Variants in TOX3 observed in about 807,000 individuals in gnomAD.
TOX3 encodes the protein TOX high mobility group box family member 3, also known as CAG trinucleotide repeat-containing gene F9 protein.
In TOX3, 22 loss-of-function variants were observed where a neutral mutation model predicts 64.3. That is an observed-to-expected ratio of 0.34 (90% CI 0.24 to 0.49). The LOEUF (loss-of-function observed/expected upper bound fraction) is 0.49, where lower values mean the gene tolerates loss of function less well. Among genes scored for constraint, TOX3 ranks in the 20% least tolerant of loss-of-function variants. The pLI is 0.99. For missense variants in TOX3, 661 were observed against 714.4 expected, an observed-to-expected ratio of 0.93 and a Z score of 0.85; for synonymous variants, 291 against 273.6, an observed-to-expected ratio of 1.06 and a Z score of -0.63.
At chr16:52,519,951 A>T (rs1962560633) in intron 1 of TOX3, among the ~76,000 whole-genome samples, 1 of 146,652 alleles carries the variant, frequency 6.8e-6, no homozygotes, top group East Asian at 2.0e-4. Context: ...AGCCTGCGTG[A>T]CAGAGCAAGA....
At chr16:52,483,564 G>GTTTTTTTTTT (rs11304815) in intron 1 of TOX3, among the ~76,000 whole-genome samples, 6 of 99,448 alleles carry the variant, frequency 6.0e-5, no homozygotes, top group East Asian at 3.5e-4. Flanking sequence ...GGGCAGTTTG[G>GTTTTTTTTTT]TTTTTTTTTT....
At chr16:52,485,132 CAT>C (rs1488067986) in intron 1 of TOX3, among the ~76,000 whole-genome samples, 23 of 119,384 alleles carry the variant, frequency 1.9e-4, no homozygotes, top group East Asian at 1.1e-3. Context: ...TGTGTGTATA[CAT>C]ATGTGTGTAT....
intron 1 of TOX3, among the ~76,000 whole-genome samples, chr16:52,495,561 T>A (rs561493711): frequency 1.3e-5 from 2 of 152,310 alleles, no homozygotes; most frequent in South Asian, 4.1e-4. Flanking sequence ...AGGTGCAGAC[T>A]CTCAGAGAGG....
intron 1 of TOX3, among the ~76,000 whole-genome samples, chr16:52,528,420 A>G (rs1962773597): frequency 6.6e-6 from 1 of 150,976 alleles, no homozygotes; most frequent in Admixed American, 6.6e-5. Context: ...TTTTTTTTTC[A>G]CCACCATCTG....
chr16:52,468,804 A>C (rs1294692269), intron 1 of TOX3, among the ~76,000 whole-genome samples: 3 of 152,218 alleles, frequency 2.0e-5, no homozygotes, highest in African/African-American at 7.2e-5. Flanking sequence ...CATCAAGACT[A>C]ACTGTGAAGG....
At chr16:52,499,446 C>T (rs755507065) in intron 1 of TOX3, among the ~76,000 whole-genome samples, 6 of 152,220 alleles carry the variant, frequency 3.9e-5, no homozygotes, top group East Asian at 1.9e-4. Context: ...AAAATAAATA[C>T]AAGACAAACA....
intron 1 of TOX3, among the ~76,000 whole-genome samples, chr16:52,472,012 T>C (rs193265911): frequency 2.6e-5 from 4 of 152,358 alleles, no homozygotes; most frequent in East Asian, 1.9e-4. Context: ...TTTACTTTTT[T>C]ATCTATTTTA....
intron 1 of TOX3, among the ~76,000 whole-genome samples, chr16:52,469,543 G>A (rs1447599880): frequency 6.6e-6 from 1 of 152,100 alleles, no homozygotes; most frequent in Non-Finnish European, 1.5e-5. Context: ...TTCCTTGAAT[G>A]CATCAAATAA....
chr16:52,462,601 A>G (rs1027748215), intron 3 of TOX3, among the ~76,000 whole-genome samples: 12 of 152,276 alleles, frequency 7.9e-5, no homozygotes, highest in South Asian at 2.1e-4. Flanking sequence ...GCATCTATGA[A>G]TGATGGTGAA....
At chr16:52,457,176 A>G (rs1357998940) in intron 3 of TOX3, among the ~76,000 whole-genome samples, 2 of 152,216 alleles carry the variant, frequency 1.3e-5, no homozygotes, top group Non-Finnish European at 2.9e-5. Flanking sequence ...CTGCACAATT[A>G]GTAGTCCATA....
chr16:52,488,178 G>C (rs1961580505), intron 1 of TOX3, among the ~76,000 whole-genome samples: 1 of 152,058 alleles, frequency 6.6e-6, no homozygotes, highest in Non-Finnish European at 1.5e-5. Flanking sequence ...TCTTCCATTG[G>C]AAACTCTTCT....
At chr16:52,479,416 G>C (rs907518348) in intron 1 of TOX3, among the ~76,000 whole-genome samples, 1 of 152,198 alleles carries the variant, frequency 6.6e-6, no homozygotes, top group Non-Finnish European at 1.5e-5. Flanking sequence ...ATGTTTGCAG[G>C]TAGAGAAGAA....
At chr16:52,468,839 A>G (rs1177868287) in intron 1 of TOX3, among the ~76,000 whole-genome samples, 1 of 152,186 alleles carries the variant, frequency 6.6e-6, no homozygotes, top group Non-Finnish European at 1.5e-5. Flanking sequence ...CATTAAGCCA[A>G]CTGGTCACCA....
intron 3 of TOX3, among the ~76,000 whole-genome samples, chr16:52,461,397 A>G (rs1030223300): frequency 6.6e-6 from 1 of 152,130 alleles, no homozygotes; most frequent in African/African-American, 2.4e-5. Context: ...TGTGAATGCT[A>G]ATCACTGGAC....
intron 3 of TOX3, among the ~76,000 whole-genome samples, chr16:52,451,335 G>A (rs777961297): frequency 6.6e-6 from 1 of 152,086 alleles, no homozygotes; most frequent in Admixed American, 6.5e-5. Context: ...AAAAAAAGAT[G>A]GTAGAAACCA....
At chr16:52,524,466 G>T (rs1200086174) in intron 1 of TOX3, among the ~76,000 whole-genome samples, 3 of 152,200 alleles carry the variant, frequency 2.0e-5, no homozygotes, top group Non-Finnish European at 4.4e-5. Context: ...AAATGCAAAT[G>T]ATTTCCAATC....
At chr16:52,485,260 A>ATATGTGTATG (rs1961496980) in intron 1 of TOX3, among the ~76,000 whole-genome samples, 2 of 146,710 alleles carry the variant, frequency 1.4e-5, no homozygotes, top group African/African-American at 5.1e-5. Flanking sequence ...ATATATATAT[A>ATATGTGTATG]TATATATATA....
rs371231816 is a variant in TOX3, at chr16:52,538,742, A to C, written c.87+7895T>G. The stretch of plus-strand genomic sequence containing the variant: ...AAATTGAATTAAGATTAAAGATAGA[A>C]TGTTAATCATACAAGAAGGGCCATT... On this transcript the variant is annotated intron_variant, in intron 1 of 6. Transcript: ENST00000219746. Among the ~76,000 whole-genome samples, 178 of 152,336 alleles carry C rather than the reference A, an allele frequency of 1.2e-3. 1 individual carries two copies. Among genetic ancestry groups the C allele is most frequent in the Middle Eastern group, 0.01 (3 of 294 alleles).
intron 1 of TOX3, among the ~76,000 whole-genome samples, chr16:52,470,182 A>T (rs1190352857): frequency 6.6e-6 from 1 of 152,230 alleles, no homozygotes; most frequent in Non-Finnish European, 1.5e-5. Flanking sequence ...TGCAAGAAAA[A>T]GTATTTTAAG....
Sources: gnomAD v4.1 joint callset for allele counts (sites outside exome capture counted in the v4.1 genomes callset) on GRCh38, gnomAD v4.1.1 for gene constraint, MANE v1.5 for transcripts, NCBI Gene and HGNC (gene_info 2026-07-23, HGNC 2026-07-21) for gene names.